The following RAB27B variants were observed in gnomAD, a reference collection of about 807,000 sequenced individuals.
RAB27B encodes RAB27B, member RAS oncogene family, also known as ras-related protein Rab-27B.
In RAB27B, 15 loss-of-function variants were observed where a neutral mutation model predicts 24.6. The observed-to-expected ratio is 0.61, with a 90% CI of 0.41 to 0.94. The LOEUF (loss-of-function observed/expected upper bound fraction) is 0.94. Among genes scored for constraint, RAB27B ranks in the 40% least tolerant of loss-of-function variants. The pLI is 0.00. For synonymous variants in RAB27B, 105 were observed against 92.5 expected, an observed-to-expected ratio of 1.14 and a Z score of -0.78; for missense variants, 261 against 266.8, an observed-to-expected ratio of 0.98 and a Z score of 0.15.
chr18:54,816,670 CTTAGAG>C (rs1910131320), intron 2 of RAB27B, among the ~76,000 whole-genome samples: 1 of 152,080 alleles, frequency 6.6e-6, no homozygotes, highest in East Asian at 1.9e-4. Context: ...GTTAAAATAT[CTTAGAG>C]TTAGGATCAT....
chr18:54,780,358 C>G (rs1488300241), intron 2 of RAB27B, among the ~76,000 whole-genome samples: 1 of 135,152 alleles, frequency 7.4e-6, no homozygotes, highest in Non-Finnish European at 1.6e-5. Flanking sequence ...CTGATGGTCT[C>G]CCCCTCACTG....
intron 3 of RAB27B, among the ~76,000 whole-genome samples, chr18:54,882,333 G>A (rs1168534404): frequency 6.6e-6 from 1 of 152,074 alleles, no homozygotes; most frequent in African/African-American, 2.4e-5. Context: ...TATTTAGTGA[G>A]CAAATACCAG....
chr18:54,837,495 A>G (rs1229311171), intron 1 of RAB27B, among the ~76,000 whole-genome samples: 2 of 152,096 alleles, frequency 1.3e-5, no homozygotes, highest in Non-Finnish European at 2.9e-5. Flanking sequence ...ACCTGTGGTT[A>G]TTCAATTGCA....
chr18:54,872,815 C>CT (rs778215636), intron 1 of RAB27B, among the ~76,000 whole-genome samples: 22 of 152,128 alleles, frequency 1.4e-4, no homozygotes, highest in Non-Finnish European at 2.4e-4. Flanking sequence ...ATTTGCATGG[C>CT]TGCAGATAGC....
chr18:54,836,523 A>G (rs1315189217), intron 1 of RAB27B, among the ~76,000 whole-genome samples: 3 of 152,048 alleles, frequency 2.0e-5, no homozygotes, highest in African/African-American at 7.3e-5. Flanking sequence ...ATTGAGACAC[A>G]TGAAGGTATA....
At chr18:54,777,357 G>A (rs181540703) in intron 2 of RAB27B, among the ~76,000 whole-genome samples, 21 of 152,308 alleles carry the variant, frequency 1.4e-4, no homozygotes, top group Admixed American at 6.5e-4. Flanking sequence ...GATGGGTGCA[G>A]GTAGTGAATG....
At chr18:54,878,759 T>TA (rs201621295) in intron 2 of RAB27B, among the ~76,000 whole-genome samples, 347 of 84,654 alleles carry the variant, frequency 4.1e-3, no homozygotes, top group Middle Eastern at 0.014. Context: ...CAGAATTTTT[T>TA]TAAAAAAATT....
intron 2 of RAB27B, among the ~76,000 whole-genome samples, chr18:54,819,831 T>C (rs12968702): frequency 0.14 from 20,509 of 145,850 alleles, 1,856 homozygotes; most frequent in Admixed American, 0.19. Context: ...GCATGTATTC[T>C]AATTGTTCAA....
intron 2 of RAB27B, among the ~76,000 whole-genome samples, chr18:54,789,396 CT>C (rs1470046262): frequency 1.3e-5 from 2 of 151,742 alleles, no homozygotes; most frequent in African/African-American, 4.8e-5. Context: ...ACAATTATTC[CT>C]TTTTAAATAC....
chr18:54,861,000 T>G (rs1419255698), intron 1 of RAB27B, among the ~76,000 whole-genome samples: 1 of 152,212 alleles, frequency 6.6e-6, no homozygotes, highest in Non-Finnish European at 1.5e-5. Context: ...AGAATTATAT[T>G]TAAGTGAGAA....
At chr18:54,834,061 T>A (rs1403355675) in intron 1 of RAB27B, among the ~76,000 whole-genome samples, 3 of 152,186 alleles carry the variant, frequency 2.0e-5, no homozygotes, top group South Asian at 2.1e-4. Flanking sequence ...ATCCTACAAA[T>A]ACAAGAACAC....
At chr18:54,858,351 T>C (rs1911865895) in intron 1 of RAB27B, among the ~76,000 whole-genome samples, 1 of 151,668 alleles carries the variant, frequency 6.6e-6, no homozygotes, top group Non-Finnish European at 1.5e-5. Context: ...CCTACCAAAA[T>C]GGGCTCAGCT....
chr18:54,816,660 G>A (rs1910130967), intron 2 of RAB27B, among the ~76,000 whole-genome samples: 1 of 152,152 alleles, frequency 6.6e-6, no homozygotes, highest in South Asian at 2.1e-4. Context: ...GGTTCCAAGT[G>A]TTAAAATATC....
In RAB27B at chr18:54,874,547, T is replaced by C. The variant is rs555835827; in HGVS notation, c.-19-3020T>C. Among the ~76,000 whole-genome samples the C allele has an allele frequency of 2.2e-3, 318 of 141,920 alleles. 2 individuals are homozygous for C. Among genetic ancestry groups the C allele is most frequent in the African/African-American group, 8.0e-3 (307 of 38,208 alleles). 93.1% of individuals were successfully genotyped at this position (141,920 alleles called of 152,430 possible). On this transcript the variant is annotated intron_variant, in intron 1 of 5. Transcript: ENST00000262094. ...GTTTCTTGAGACTGTCACGCATTCA[T>C]ACACACACATTTGCTAAAAAAAAAA...
intron 2 of RAB27B, among the ~76,000 whole-genome samples, chr18:54,798,580 T>C (rs1312643549): frequency 6.6e-6 from 1 of 152,142 alleles, no homozygotes; most frequent in African/African-American, 2.4e-5. Context: ...TCAGCATAGG[T>C]GAGTCAACCT....
intron 1 of RAB27B, among the ~76,000 whole-genome samples, chr18:54,855,392 A>G (rs1239447896): frequency 6.6e-6 from 1 of 152,196 alleles, no homozygotes; most frequent in African/African-American, 2.4e-5. Context: ...CTGATTTAAC[A>G]TGATTCTTGC....
rs550713240 is a variant in RAB27B, at chr18:54,892,203, A to C, written c.*2790A>C. On this transcript the variant is annotated 3_prime_UTR_variant, in exon 6 of 6. Coordinates refer to ENST00000262094, the MANE Select transcript of RAB27B (RefSeq NM_004163.4). ...TTTAGGAGAAATGTTGAAAATGTAC[A>C]TGAAGCTCCTTTCTGATATAGAAAC... The C allele has an allele frequency of 6.6e-4, 101 of 152,236 alleles. No individual in the cohort carries two copies. The highest frequency in any genetic ancestry group is 2.4e-3 in the African/African-American group (98 of 41,572). The allele number at this position is 152,236 out of a possible 1,614,324, so 9.4% of individuals were successfully genotyped here.
intron 1 of RAB27B, among the ~76,000 whole-genome samples, chr18:54,830,140 G>A (rs934985123): frequency 6.6e-6 from 1 of 152,160 alleles, no homozygotes; most frequent in Non-Finnish European, 1.5e-5. Context: ...GTCATTTCTG[G>A]AACAGGCATG....
rs1357669942 is a variant in RAB27B, at chr18:54,893,356, G to A, written c.*3943G>A. 6.6e-6 allele frequency: 1 copy of A among 152,030 alleles called. No homozygotes were observed. The highest frequency in any genetic ancestry group is 1.5e-5 in the Non-Finnish European group (1 of 67,930). 9.4% of individuals were successfully genotyped at this position (152,030 alleles called of 1,614,324 possible). A position where few individuals can be genotyped will look rare whatever the true frequency, so the allele number is the denominator to read the frequency against. ...TGTTTATAAAGAAGGTCTAAGAGCT[G>A]ATATTTGCCAAAGTGATAGAAGAGT... is the stretch of plus-strand genomic sequence containing the variant. On this transcript the variant is annotated 3_prime_UTR_variant, in exon 6 of 6. Transcript: ENST00000262094.
Sources: allele counts gnomAD v4.1 joint callset (sites outside exome capture counted in the v4.1 genomes callset), GRCh38; gene constraint gnomAD v4.1.1; transcripts MANE v1.5; gene names NCBI Gene and HGNC (gene_info 2026-07-23, HGNC 2026-07-21).